The following GLG1 variants were observed in gnomAD, a reference collection of about 807,000 sequenced individuals.
GLG1 encodes the protein golgi glycoprotein 1.
Under a neutral mutation model 160.5 loss-of-function variants are expected in GLG1, and 38 were observed. That is an observed-to-expected ratio of 0.24 (90% CI 0.18 to 0.31). The LOEUF is 0.31. Ranked by LOEUF, GLG1 falls within the 10% of genes least tolerant of loss-of-function variation. The pLI, the probability that GLG1 is intolerant of heterozygous loss-of-function variation, is 1.00. For synonymous variants in GLG1, 644 were observed against 543.4 expected (o/e 1.19, Z -2.57); for missense variants, 1,373 against 1,505.2 (o/e 0.91, Z 1.45).
chr16:74,473,073 T>A (rs2015264664), intron 13 of GLG1: 1 of 153,752 alleles, frequency 6.5e-6, no homozygotes, highest in Non-Finnish European at 1.4e-5. Context: ...TCAAATAGAG[T>A]ACTAAAAGGT....
rs149651164 is a variant in GLG1, at chr16:74,564,949, A to G, written c.439-32796T>C. ...CTGAAGTCCTTGTTCCCCACCTTGC[A>G]AAAGCCAGTTTTGTTACCTCCCAGT... On this transcript the variant is annotated intron_variant, in intron 1 of 25. Transcript: ENST00000422840. Among the ~76,000 whole-genome samples the G allele has an allele frequency of 2.8e-4, 42 of 152,312 alleles. No homozygotes were observed. In the East Asian group the frequency reaches 8.1e-3, roughly 29 times the overall value.
intron 1 of GLG1, among the ~76,000 whole-genome samples, chr16:74,587,773 T>C (rs1286092893): frequency 6.6e-6 from 1 of 152,056 alleles, no homozygotes; most frequent in African/African-American, 2.4e-5. Context: ...GGAGAATCAC[T>C]TGAACCTGGG....
At chr16:74,453,366 A>C (rs889990382) in intron 25 of GLG1, 32 bp from the exon 26 acceptor site, 10 of 1,469,044 alleles carry the variant, frequency 6.8e-6, no homozygotes, top group Admixed American at 5.1e-5. Flanking sequence ...TGATTCTCTG[A>C]GAGAGCACTG....
chr16:74,572,481 C>G (rs984821228), intron 1 of GLG1, among the ~76,000 whole-genome samples: 6 of 150,518 alleles, frequency 4.0e-5, no homozygotes, highest in African/African-American at 1.5e-4. Flanking sequence ...CCACTGCCCT[C>G]CAGCCTGGGA....
chr16:74,541,961 G>A (rs2017880469), intron 1 of GLG1, among the ~76,000 whole-genome samples: 1 of 148,048 alleles, frequency 6.8e-6, no homozygotes, highest in Non-Finnish European at 1.5e-5. Context: ...GACTGGGAAA[G>A]CAGGGGAGTT....
chr16:74,480,978 G>T (rs1597248543), intron 10 of GLG1, among the ~76,000 whole-genome samples: 2 of 152,156 alleles, frequency 1.3e-5, no homozygotes, highest in East Asian at 3.8e-4. Flanking sequence ...AGATATCTTG[G>T]CTTTGTTAGA....
intron 6 of GLG1, among the ~76,000 whole-genome samples, chr16:74,494,442 T>TGTC (rs1416129904): frequency 7.3e-6 from 1 of 136,336 alleles, no homozygotes; most frequent in African/African-American, 2.7e-5. Context: ...AGTCTCACTC[T>TGTC]GTCACCCAGG....
At chr16:74,476,895 C>T (rs1371556885) in intron 12 of GLG1, among the ~76,000 whole-genome samples, 1 of 152,142 alleles carries the variant, frequency 6.6e-6, no homozygotes, top group South Asian at 2.1e-4. Flanking sequence ...CTAGGGCATG[C>T]CCACTATTCA....
rs926555417 is a variant in GLG1, at chr16:74,452,979, G to A, written c.*188C>T. The A allele has an allele frequency of 1.1e-5, 14 of 1,302,294 alleles. No homozygotes were observed. Among genetic ancestry groups the A allele is most frequent in the Middle Eastern group, 2.9e-4 (1 of 3,430 alleles). 80.7% of individuals were successfully genotyped at this position (1,302,294 alleles called of 1,614,324 possible). A position where few individuals can be genotyped will look rare whatever the true frequency, so the allele number is the denominator to read the frequency against. ...CAGCGACCAGCTGCTGCTGCTGCAC[G>A]GTGAGGAGGAGGAGGACACCATGGA... On this transcript the variant is annotated 3_prime_UTR_variant, in exon 26 of 26. Transcript: ENST00000422840.
chr16:74,475,708 C>A (rs1347739519), intron 12 of GLG1, among the ~76,000 whole-genome samples: 1 of 152,046 alleles, frequency 6.6e-6, no homozygotes, highest in Non-Finnish European at 1.5e-5. Context: ...GTTAAAGGAT[C>A]AAGTTTAACT....
At chr16:74,585,013 A>C (rs1295856063) in intron 1 of GLG1, among the ~76,000 whole-genome samples, 1 of 152,164 alleles carries the variant, frequency 6.6e-6, no homozygotes, top group Non-Finnish European at 1.5e-5. Flanking sequence ...TAAAGAAAGA[A>C]CTTATTCATG....
intron 15 of GLG1, 125 bp from the exon 16 acceptor site, chr16:74,470,198 C>T (rs189440379): frequency 0.014 from 9,538 of 694,622 alleles, 111 homozygotes; most frequent in Non-Finnish European, 0.02. Flanking sequence ...TTGACCCACA[C>T]GTGAGACATC....
chr16:74,471,345 A>G (rs765669420), intron 14 of GLG1, 59 bp from the exon 15 acceptor site: 8 of 954,594 alleles, frequency 8.4e-6, no homozygotes, highest in Non-Finnish European at 1.2e-5. Flanking sequence ...CAAAACTTGT[A>G]GCCCAGTCCG....
chr16:74,477,977 A>AAAACAAATAAATAAATAAATAAAT (rs55773213), intron 11 of GLG1, among the ~76,000 whole-genome samples: 24 of 140,148 alleles, frequency 1.7e-4, no homozygotes, highest in East Asian at 2.3e-4. Flanking sequence ...CCGTCTCAAA[A>AAAACAAATAAATAAATAAATAAAT]AAATAAATAA....
chr16:74,464,586 T>C (rs1373595826), intron 19 of GLG1, among the ~76,000 whole-genome samples: 1 of 152,214 alleles, frequency 6.6e-6, no homozygotes, highest in African/African-American at 2.4e-5. Flanking sequence ...AGAGTGTGAT[T>C]ATAACCTGCT....
chr16:74,457,800 C>G (rs760588403), intron 24 of GLG1, 74 bp downstream of exon 24: 7 of 1,409,206 alleles, frequency 5.0e-6, no homozygotes, highest in African/African-American at 1.4e-5. Flanking sequence ...GTAGCTGCAA[C>G]TGATGTCTAA....
intron 12 of GLG1, among the ~76,000 whole-genome samples, chr16:74,475,310 A>G (rs2015359420): frequency 6.6e-6 from 1 of 152,206 alleles, no homozygotes; most frequent in South Asian, 2.1e-4. Context: ...ATAATTTCTC[A>G]TCTCTCATTT....
chr16:74,504,829 C>A (rs1187763640), intron 3 of GLG1, among the ~76,000 whole-genome samples: 2 of 152,146 alleles, frequency 1.3e-5, no homozygotes, highest in African/African-American at 2.4e-5. Context: ...GGTGTTCCTG[C>A]AAAGTGCATT....
At chr16:74,581,288 G>A (rs144201530) in intron 1 of GLG1, among the ~76,000 whole-genome samples, 1 of 152,192 alleles carries the variant, frequency 6.6e-6, no homozygotes, top group East Asian at 1.9e-4. Context: ...CAGTGTATAC[G>A]TATAATGGAA....
Sources: gnomAD v4.1 joint callset for allele counts (sites outside exome capture counted in the v4.1 genomes callset) on GRCh38, gnomAD v4.1.1 for gene constraint, MANE v1.5 for transcripts, NCBI Gene and HGNC (gene_info 2026-07-23, HGNC 2026-07-21) for gene names.